SLMAP: variants seen among roughly 807,000 people sequenced by gnomAD.
The protein encoded by SLMAP is sarcolemma associated protein.
A neutral mutation model predicts 128.8 loss-of-function variants in SLMAP; 44 were observed. The ratio of observed to expected loss-of-function variants is 0.34; its 90% CI spans 0.27 to 0.44. The LOEUF is 0.44. Among genes scored for constraint, SLMAP ranks in the 20% least tolerant of loss-of-function variants. SLMAP has a pLI of 1.00. For synonymous variants in SLMAP, 327 were observed against 348.8 expected (o/e 0.94, Z 0.70); for missense variants, 787 against 985.3 (o/e 0.80, Z 2.69).
intron 2 of SLMAP, among the ~76,000 whole-genome samples, chr3:57,778,327 G>A (rs1029105555): frequency 2.0e-5 from 3 of 147,668 alleles, no homozygotes; most frequent in African/African-American, 7.4e-5. Flanking sequence ...CTGTGGTGCT[G>A]TGTCATTACC....
chr3:57,861,572 T>C (rs1577903103), intron 9 of SLMAP, among the ~76,000 whole-genome samples: 1 of 152,208 alleles, frequency 6.6e-6, no homozygotes, highest in East Asian at 1.9e-4. Flanking sequence ...TGTCTTTTAA[T>C]TTTTTATTAA....
chr3:57,866,202 G>C lies in SLMAP; in HGVS notation c.1237+910G>C, dbSNP rs1219891423. ...TGGGAGGGTCAGCTGAGCCCAGGAG[G>C]TTGAGGCAGCAGTGAGCCATAATTG... On this transcript the variant is annotated intron_variant, in intron 13 of 24. Coordinates refer to ENST00000671191, the MANE Select transcript of SLMAP (RefSeq NM_001377540.1). 3.9e-5 allele frequency among the ~76,000 whole-genome samples: 6 copies of C among 152,234 alleles called. No homozygotes were observed. In the East Asian group the frequency reaches 5.8e-4, roughly 15 times the overall value.
chr3:57,853,779 T>G (rs1294616289), intron 6 of SLMAP, among the ~76,000 whole-genome samples: 1 of 149,978 alleles, frequency 6.7e-6, no homozygotes, highest in African/African-American at 2.5e-5. Context: ...CCGTCTCTAC[T>G]AAAAATACAA....
At chr3:57,924,602 G>A (rs2096969983) in intron 23 of SLMAP, among the ~76,000 whole-genome samples, 1 of 152,016 alleles carries the variant, frequency 6.6e-6, no homozygotes, top group African/African-American at 2.4e-5. Context: ...CCCAACCTCA[G>A]GTGATCTGCC....
rs186759855 is a variant in SLMAP, at chr3:57,878,561, C to A, written c.1300+6863C>A. Among the ~76,000 whole-genome samples, 16 of 152,230 alleles carry A rather than the reference C, an allele frequency of 1.1e-4. No individual in the cohort carries two copies. In the East Asian group the frequency reaches 2.9e-3, roughly 28 times the overall value. On this transcript the variant is annotated intron_variant, in intron 14 of 24. Coordinates refer to ENST00000671191, the MANE Select transcript of SLMAP (RefSeq NM_001377540.1). ...CAGTATGATTGTGGACAATACTGGG[C>A]AAATTTACCTCTTTAAACCTTGATT...
At chr3:57,923,294 T>C (rs536204183) in intron 23 of SLMAP, among the ~76,000 whole-genome samples, 6 of 152,338 alleles carry the variant, frequency 3.9e-5, no homozygotes, top group African/African-American at 1.2e-4. Flanking sequence ...TGTCAGCTTT[T>C]CCCAGATGAG....
At chr3:57,877,662 C>T (rs1276999208) in intron 14 of SLMAP, among the ~76,000 whole-genome samples, 1 of 151,948 alleles carries the variant, frequency 6.6e-6, no homozygotes, top group East Asian at 1.9e-4. Context: ...ACATATCTAC[C>T]AGATTTTCTC....
intron 17 of SLMAP, among the ~76,000 whole-genome samples, chr3:57,905,448 A>G (rs2096507541): frequency 1.3e-5 from 2 of 151,762 alleles, no homozygotes; most frequent in Admixed American, 1.3e-4. Flanking sequence ...AACCCAGTTA[A>G]TTTTCGTATT....
Position 57,864,833 on chromosome 3 carries a change from A to G in SLMAP, c.1162A>G (p.Thr388Ala). 1.9e-6 allele frequency: 3 copies of G among 1,585,560 alleles called. No individual in the cohort carries two copies. The highest frequency in any genetic ancestry group is 2.6e-6 in the Non-Finnish European group (3 of 1,168,106). The change falls in exon 12 of 25, where the codon ACT becomes GCT. Residue 388 changes from threonine to alanine, a missense_variant. Thr to Ala is a moderately conservative substitution (Grantham distance 58, BLOSUM62 0). Transcript: ENST00000671191. The stretch of plus-strand genomic sequence containing the variant: ...ACGGTTAGAACATCTTCAGGAGAAA[A>G]CTCTTAAAGAATGCAGCAGCTTGGG... ...QVRLEHLQEK[T>A]LKECSSLGIQ...
At chr3:57,819,957 G>A (rs1294921932) in intron 2 of SLMAP, among the ~76,000 whole-genome samples, 2 of 152,198 alleles carry the variant, frequency 1.3e-5, no homozygotes, top group Admixed American at 6.5e-5. Context: ...TCACCATGTT[G>A]CCCAGACTGG....
intron 2 of SLMAP, among the ~76,000 whole-genome samples, chr3:57,762,053 C>CAA (rs1312577556): frequency 6.6e-5 from 3 of 45,478 alleles, no homozygotes; most frequent in African/African-American, 8.3e-5. Flanking sequence ...GACTCCGTCT[C>CAA]AAAAAAAAAA....
rs2077865909 is a variant in SLMAP, at chr3:57,757,869, C to T, written c.198+20C>T. On this transcript the variant is annotated intron_variant, in intron 2 of 24. Coordinates refer to ENST00000671191, the MANE Select transcript of SLMAP (RefSeq NM_001377540.1). ...GGCAAGGTAATGTCACCACATTGTCCAGCGGCATTGTTTAACAAACTTTTT... is the reference window on the plus strand; with the variant it reads ...GGCAAGGTAATGTCACCACATTGTCTAGCGGCATTGTTTAACAAACTTTTT... 1 of 1,611,406 alleles carries T rather than the reference C, an allele frequency of 6.2e-7. No homozygotes were observed. Among genetic ancestry groups the T allele is most frequent in the East Asian group, 2.2e-5 (1 of 44,872 alleles).
intron 23 of SLMAP, among the ~76,000 whole-genome samples, chr3:57,924,481 G>T (rs2096968100): frequency 6.6e-6 from 1 of 151,514 alleles, no homozygotes; most frequent in Non-Finnish European, 1.5e-5. Context: ...CAGTTCTCCT[G>T]CCTTAGCCTC....
intron 14 of SLMAP, among the ~76,000 whole-genome samples, chr3:57,887,484 T>C (rs2095926415): frequency 6.6e-6 from 1 of 152,174 alleles, no homozygotes; most frequent in Non-Finnish European, 1.5e-5. Context: ...AGTGCTGGCA[T>C]TACAGGCATG....
intron 23 of SLMAP, 59 bp from the exon 24 acceptor site, chr3:57,925,786 C>A: frequency 8.1e-7 from 1 of 1,238,096 alleles, no homozygotes; most frequent in Non-Finnish European, 1.2e-6. Flanking sequence ...GGGTCTGAAT[C>A]CTCTTATCTG....
intron 13 of SLMAP, among the ~76,000 whole-genome samples, 177 bp from the exon 14 acceptor site, chr3:57,871,456 TTAA>T (rs1332866758): frequency 6.6e-6 from 1 of 152,204 alleles, no homozygotes; most frequent in Non-Finnish European, 1.5e-5. Flanking sequence ...AGTGTACAAA[TTAA>T]TAATAATTTT....
intron 17 of SLMAP, among the ~76,000 whole-genome samples, chr3:57,907,150 C>T (rs1293819636): frequency 6.6e-6 from 1 of 152,196 alleles, no homozygotes. Context: ...GCCTCAGCCT[C>T]CCAAGTAGCT....
At chr3:57,799,784 G>A (rs1160400079) in intron 2 of SLMAP, among the ~76,000 whole-genome samples, 1 of 152,066 alleles carries the variant, frequency 6.6e-6, no homozygotes, top group Non-Finnish European at 1.5e-5. Flanking sequence ...TTATGCCATA[G>A]TACAAACATA....
intron 22 of SLMAP, chr3:57,917,294 C>CA: frequency 8.2e-7 from 1 of 1,225,282 alleles, no homozygotes; most frequent in Admixed American, 3.1e-5. Flanking sequence ...ATATAATATA[C>CA]AAAACTACAT....
Sources: allele counts gnomAD v4.1 joint callset (sites outside exome capture counted in the v4.1 genomes callset), GRCh38; gene constraint gnomAD v4.1.1; transcripts MANE v1.5; gene names NCBI Gene and HGNC (gene_info 2026-07-23, HGNC 2026-07-21).